The following CFAP91 variants were observed in gnomAD, a reference collection of about 807,000 sequenced individuals.
CFAP91 encodes the protein cilia- and flagella-associated protein 91.
CFAP91 carries 85 observed loss-of-function variants against 95.9 expected under a neutral mutation model. That is an observed-to-expected ratio of 0.89 (90% CI 0.74 to 1.06). The LOEUF (loss-of-function observed/expected upper bound fraction) is 1.06, where lower values mean the gene tolerates loss of function less well. Ranked by LOEUF, CFAP91 falls within the 50% of genes least tolerant of loss-of-function variation. The pLI, the probability that CFAP91 is intolerant of heterozygous loss-of-function variation, is 0.00. For synonymous variants in CFAP91, 335 were observed against 327.5 expected (o/e 1.02, Z -0.25); for missense variants, 962 against 943.4 (o/e 1.02, Z -0.26).
chr3:119,716,840 T>A (rs2053584763), intron 6 of CFAP91, among the ~76,000 whole-genome samples: 1 of 152,156 alleles, frequency 6.6e-6, no homozygotes. Context: ...TCTGCCCACC[T>A]CAGCCTCCCA....
chr3:119,703,852 A>G (rs1039417167), intron 1 of CFAP91, among the ~76,000 whole-genome samples: 3 of 152,090 alleles, frequency 2.0e-5, no homozygotes, highest in East Asian at 1.9e-4. Context: ...CTGAGCACCT[A>G]TTCTAGTGCT....
At chr3:119,745,329 A>G (rs1416026318) in intron 14 of CFAP91, among the ~76,000 whole-genome samples, 2 of 152,216 alleles carry the variant, frequency 1.3e-5, no homozygotes, top group East Asian at 1.9e-4. Context: ...AATTTCCAAA[A>G]TATGCATCTA....
intron 14 of CFAP91, among the ~76,000 whole-genome samples, chr3:119,745,471 C>T (rs977068921): frequency 3.9e-5 from 6 of 152,198 alleles, no homozygotes; most frequent in Non-Finnish European, 8.8e-5. Flanking sequence ...TAGAGGAACA[C>T]ACATAGCCAC....
Position 119,760,802 on chromosome 3 carries a change from G to T in CFAP91, c.*2-4250G>T, listed in dbSNP as rs1366227108. Among the ~76,000 whole-genome samples, 3 of 150,842 alleles carry T rather than the reference G, an allele frequency of 2.0e-5. No homozygotes were observed. In the East Asian group the frequency reaches 5.8e-4, roughly 29 times the overall value. On this transcript the variant is annotated intron_variant, in intron 17 of 17. Transcript: ENST00000273390. The stretch of plus-strand genomic sequence containing the variant: ...AAGAAGTCAAAGAAGAAATGAAAAG[G>T]GAAATTAAAAAAAAAACCTTGAGGC...
At chr3:119,740,464 C>G in intron 12 of CFAP91, 85 bp from the exon 13 acceptor site, 1 of 1,486,274 alleles carries the variant, frequency 6.7e-7, no homozygotes, top group African/African-American at 1.4e-5. Context: ...TCACAAGTGT[C>G]TCACAAGTCA....
rs2053869884 is a variant in CFAP91, at chr3:119,730,283, T to A, written c.924T>A (p.Asn308Lys). The A allele has an allele frequency of 1.9e-6, 3 of 1,614,074 alleles. No homozygotes were observed. Among genetic ancestry groups the A allele is most frequent in the South Asian group, 2.2e-5 (2 of 91,082 alleles). The change falls in exon 8 of 18, where the codon AAT becomes AAA. Residue 308 changes from asparagine (N) to lysine (K), a missense_variant. Coordinates refer to ENST00000273390, the MANE Select transcript of CFAP91 (RefSeq NM_033364.4). ...ELLRKREENQ[N>K]EVNMKHLNAR... ...TGAGGAAGCGTGAAGAGAATCAGAA[T>A]GAAGTGAATATGAAGCACTTGAATG... is the stretch of plus-strand genomic sequence containing the variant.
intron 1 of CFAP91, chr3:119,706,525 A>T: frequency 3.0e-6 from 1 of 328,662 alleles, no homozygotes; most frequent in South Asian, 5.4e-5. Context: ...AAGTGTGTTC[A>T]GGGTGTAGTA....
At chr3:119,762,336 A>G (rs975516065) in intron 17 of CFAP91, among the ~76,000 whole-genome samples, 3 of 152,090 alleles carry the variant, frequency 2.0e-5, no homozygotes, top group African/African-American at 7.2e-5. Flanking sequence ...AAATTAAAGA[A>G]GACACAATTA....
At chr3:119,722,382 CGAG>C (rs2053703353) in intron 6 of CFAP91, among the ~76,000 whole-genome samples, 1 of 151,800 alleles carries the variant, frequency 6.6e-6, no homozygotes, top group African/African-American at 2.4e-5. Flanking sequence ...TCACTTGAAC[CGAG>C]GAGGAGGAGG....
rs775564887 is a variant in CFAP91, at chr3:119,744,053, C to A, written c.1759C>A (p.Leu587Met). 14 of 1,614,020 alleles carry A rather than the reference C, an allele frequency of 8.7e-6. No homozygotes were observed. The Admixed American group carries it at 1.0e-4, about 12-fold the overall frequency. Residue 587 changes from leucine to methionine, a missense_variant, in exon 14 of 18, where the codon CTG becomes ATG. Coordinates refer to ENST00000273390, the MANE Select transcript of CFAP91 (RefSeq NM_033364.4). Reference protein sequence around the residue: ...ADMFDFLSKELVRLQEERRIH... With the variant: ...ADMFDFLSKEMVRLQEERRIH... ...CATGTTTGACTTCCTGTCCAAAGAGCTGGTGAGACTGCAGGAGGAGAGGAG... is the reference window on the plus strand; with the variant it reads ...CATGTTTGACTTCCTGTCCAAAGAGATGGTGAGACTGCAGGAGGAGAGGAG...
At chr3:119,721,550 T>C (rs567773443) in intron 6 of CFAP91, among the ~76,000 whole-genome samples, 5 of 152,338 alleles carry the variant, frequency 3.3e-5, no homozygotes, top group African/African-American at 1.2e-4. Context: ...TTCTATGTAA[T>C]AATGATAGGA....
At position 119,747,593 on chromosome 3, in the gene CFAP91, C is replaced by T; in HGVS notation, c.2052-218C>T. The T allele has an allele frequency of 5.2e-6, 3 of 578,248 alleles. No individual in the cohort carries two copies. In the South Asian group the frequency reaches 7.0e-5, roughly 14 times the overall value. The allele number at this position is 578,248 out of a possible 1,614,324, so 35.8% of individuals were successfully genotyped here. On this transcript the variant is annotated intron_variant, in intron 15 of 17. Transcript: ENST00000273390. ...ATGTATAAGCTGTGTTTCCAACATT[C>T]CCTTCCTGGCAGGCAGGGTAACTGA... is the stretch of plus-strand genomic sequence containing the variant.
At chr3:119,751,813 G>C (rs1253934190) in intron 17 of CFAP91, among the ~76,000 whole-genome samples, 3 of 152,172 alleles carry the variant, frequency 2.0e-5, no homozygotes. Flanking sequence ...CACCCCAGGG[G>C]CTGGAATCTC....
At chr3:119,751,225 T>A in intron 17 of CFAP91, 127 bp downstream of exon 17, 1 of 1,039,532 alleles carries the variant, frequency 9.6e-7, no homozygotes, top group Non-Finnish European at 1.4e-6. Flanking sequence ...GACTTCCACT[T>A]AAATTGGCAC....
At position 119,732,469 on chromosome 3, in the gene CFAP91, C is replaced by T; in HGVS notation, c.1194C>T (p.Thr398=). The change falls in exon 9 of 18, where the codon ACC becomes ACT. Residue 398 remains threonine (T), a synonymous_variant. Coordinates refer to ENST00000273390, the MANE Select transcript of CFAP91 (RefSeq NM_033364.4). The part of the protein sequence containing the change: ...DFVVKNYYLN[T]YEGLVELESC... The stretch of plus-strand genomic sequence containing the variant: ...TAGTAAAAAACTACTATCTCAACAC[C>T]TATGAAGGTAAGCAATTTACATAAT... The T allele has an allele frequency of 6.3e-7, 1 of 1,582,220 alleles. No individual in the cohort carries two copies. Among genetic ancestry groups the T allele is most frequent in the Non-Finnish European group, 8.6e-7 (1 of 1,167,886 alleles).
intron 14 of CFAP91, among the ~76,000 whole-genome samples, chr3:119,745,573 G>A (rs2054204809): frequency 6.6e-6 from 1 of 152,196 alleles, no homozygotes; most frequent in Non-Finnish European, 1.5e-5. Context: ...TACATATACA[G>A]CTATGGATGG....
intron 15 of CFAP91, 74 bp from the exon 16 acceptor site, chr3:119,747,737 C>T: frequency 8.0e-7 from 1 of 1,246,180 alleles, no homozygotes; most frequent in Non-Finnish European, 1.1e-6. Context: ...GTTGCTTACA[C>T]AGCAGGAAAG....
At chr3:119,723,415 A>T (rs1295410932) in intron 6 of CFAP91, among the ~76,000 whole-genome samples, 1 of 152,234 alleles carries the variant, frequency 6.6e-6, no homozygotes, top group African/African-American at 2.4e-5. Context: ...CAGTACAAGG[A>T]TGTTTGTTGC....
At chr3:119,726,949 T>C (rs1251819901) in intron 7 of CFAP91, among the ~76,000 whole-genome samples, 1 of 152,010 alleles carries the variant, frequency 6.6e-6, no homozygotes, top group Non-Finnish European at 1.5e-5. Context: ...TATAACAATA[T>C]ACATAAATAA....
Sources: gnomAD v4.1 joint callset for allele counts (sites outside exome capture counted in the v4.1 genomes callset) on GRCh38, gnomAD v4.1.1 for gene constraint, MANE v1.5 for transcripts, NCBI Gene and HGNC (gene_info 2026-07-23, HGNC 2026-07-21) for gene names.